PGAP4: variants seen among roughly 807,000 people sequenced by gnomAD.
PGAP4 encodes post-GPI attachment to proteins GalNAc transferase 4.
In PGAP4, 12 loss-of-function variants were observed where a neutral mutation model predicts 28.2. The observed-to-expected ratio is 0.42, with a 90% CI of 0.27 to 0.69. PGAP4 has a LOEUF of 0.69. PGAP4 is among the 30% of genes least tolerant of loss of function. The pLI is 0.22. For missense variants in PGAP4, 425 were observed against 513.5 expected (o/e 0.83, Z 1.67); for synonymous variants, 205 against 211.8 (o/e 0.97, Z 0.28).
intron 2 of PGAP4, among the ~76,000 whole-genome samples, chr9:101,516,036 CT>C (rs1419536864): frequency 6.6e-6 from 1 of 151,962 alleles, no homozygotes; most frequent in Non-Finnish European, 1.5e-5. Flanking sequence ...ATCACATTGT[CT>C]CTTATAAATA....
intron 1 of PGAP4, 51 bp from the exon 2 acceptor site, chr9:101,477,220 A>AAAC: frequency 7.5e-7 from 1 of 1,330,650 alleles, no homozygotes; most frequent in Non-Finnish European, 9.9e-7. Context: ...AAAAACAAAC[A>AAAC]AACAAACAAA....
chr9:101,474,264 T>C lies in PGAP4; in HGVS notation c.*1617A>G, dbSNP rs1826234731. On this transcript the variant is annotated 3_prime_UTR_variant, in exon 2 of 2. Coordinates refer to ENST00000374848, the MANE Select transcript of PGAP4 (RefSeq NM_032342.3). ...GTAGAGCGTGGGTGATCAACCTTTA[T>C]GTAATCCTTCTGTGTTGAGTGGGTC... 1.3e-5 allele frequency: 2 copies of C among 152,206 alleles called. No individual in the cohort carries two copies. The highest frequency in any genetic ancestry group is 4.8e-5 in the African/African-American group (2 of 41,440). 9.4% of individuals were successfully genotyped at this position (152,206 alleles called of 1,614,324 possible). A position where few individuals can be genotyped will look rare whatever the true frequency, so the allele number is the denominator to read the frequency against.
chr9:101,494,095 T>C (rs1267617620), intron 2 of PGAP4, among the ~76,000 whole-genome samples: 1 of 152,064 alleles, frequency 6.6e-6, no homozygotes, highest in East Asian at 1.9e-4. Context: ...ATTTTATTTA[T>C]AGTCTTAAGT....
chr9:101,493,701 C>T (rs1826711689), intron 2 of PGAP4, among the ~76,000 whole-genome samples: 2 of 152,076 alleles, frequency 1.3e-5, no homozygotes, highest in Non-Finnish European at 2.9e-5. Context: ...AAAACATTAG[C>T]TTTTCTTTTT....
At chr9:101,511,371 G>C (rs923346096) in intron 2 of PGAP4, among the ~76,000 whole-genome samples, 1 of 152,176 alleles carries the variant, frequency 6.6e-6, no homozygotes, top group Admixed American at 6.5e-5. Context: ...CCACAGACCG[G>C]TTAAGCAGGG....
intron 2 of PGAP4, among the ~76,000 whole-genome samples, chr9:101,516,157 A>AT (rs1415166665): frequency 6.6e-6 from 1 of 152,138 alleles, no homozygotes; most frequent in East Asian, 1.9e-4. Context: ...TTACCTCCTA[A>AT]TTAAATAAGT....
chr9:101,519,033 T>G (rs1467947332), intron 2 of PGAP4, among the ~76,000 whole-genome samples: 4 of 152,210 alleles, frequency 2.6e-5, no homozygotes, highest in Admixed American at 6.5e-5. Context: ...GGTATCACAT[T>G]GTGGTTTTGA....
Position 101,476,686 on chromosome 9 carries a change from C to T in PGAP4, c.407G>A (p.Cys136Tyr). Residue 136 changes from cysteine (C) to tyrosine (Y), a missense_variant, in exon 2 of 2, where the codon TGC becomes TAC. Physicochemically the swap from Cys to Tyr is radical, Grantham distance 194. Coordinates refer to ENST00000374848, the MANE Select transcript of PGAP4 (RefSeq NM_032342.3). The surrounding 1 kb of genome is among the most constrained non-coding windows in gnomAD (Gnocchi z 7.0). ...HRLLQQCGPQ[C>Y]EGHQLFLCNV... The stretch of plus-strand genomic sequence containing the variant: ...GCACAGGAAGAGTTGGTGCCCCTCG[C>T]ACTGGGGGCCACATTGCTGAAGAAG... 1 of 1,614,108 alleles carries T rather than the reference C, an allele frequency of 6.2e-7. No individual in the cohort carries two copies. Among genetic ancestry groups the T allele is most frequent in the East Asian group, 2.2e-5 (1 of 44,860 alleles).
intron 2 of PGAP4, among the ~76,000 whole-genome samples, chr9:101,530,645 A>T (rs141765004): frequency 6.6e-6 from 1 of 152,236 alleles, no homozygotes; most frequent in Non-Finnish European, 1.5e-5. Context: ...AATGCATTCA[A>T]TGAGAGAGAT....
At chr9:101,482,269 A>T (rs1826512129) in intron 1 of PGAP4, among the ~76,000 whole-genome samples, 1 of 152,234 alleles carries the variant, frequency 6.6e-6, no homozygotes, top group Non-Finnish European at 1.5e-5. Context: ...AACATGGTGA[A>T]ACGCCATCTC....
intron 2 of PGAP4, among the ~76,000 whole-genome samples, chr9:101,492,679 A>G (rs1588203637): frequency 6.6e-6 from 1 of 151,912 alleles, no homozygotes; most frequent in East Asian, 1.9e-4. Context: ...TGTAGCTGCT[A>G]CTATCTCTGT....
At chr9:101,500,154 C>T (rs1475946149) in intron 2 of PGAP4, among the ~76,000 whole-genome samples, 1 of 151,996 alleles carries the variant, frequency 6.6e-6, no homozygotes, top group Non-Finnish European at 1.5e-5. Context: ...TTACTAGTTT[C>T]CTACTTCAGC....
At position 101,523,619 on chromosome 9, in the gene PGAP4, C is replaced by CATTTTTTT. The variant is rs1245170432; in HGVS notation, c.-165+7728_-165+7729insAAAAAAAT. ...ACATTTCTCCCCTCACTTCTTGTAT[C>CATTTTTTT]TTTTTTTTTTTTTTTTTTTTTTTTT... On this transcript the variant is annotated intron_variant, in intron 2 of 3. Coordinates refer to the PGAP4 transcript ENST00000374851. Among the ~76,000 whole-genome samples, 116 of 59,324 alleles carry CATTTTTTT rather than the reference C, an allele frequency of 2.0e-3. 6 individuals carry two copies. Among genetic ancestry groups the CATTTTTTT allele is most frequent in the South Asian group, 2.6e-3 (4 of 1,522 alleles). The allele number at this position is 59,324 out of a possible 152,430, so 38.9% of individuals were successfully genotyped here.
At position 101,531,239 on chromosome 9, in the gene PGAP4, CAG is replaced by C. The variant is rs61325549; in HGVS notation, c.-165+107_-165+108del. 481 of 148,034 alleles carry C rather than the reference CAG, an allele frequency of 3.2e-3. 3 individuals carry two copies. Among genetic ancestry groups the C allele is most frequent in the Non-Finnish European group, 3.9e-3 (261 of 66,780 alleles). 9.2% of individuals were successfully genotyped at this position (148,034 alleles called of 1,614,324 possible). On this transcript the variant is annotated intron_variant, in intron 2 of 3. Coordinates refer to the PGAP4 transcript ENST00000374851. The stretch of plus-strand genomic sequence containing the variant: ...ACACACACACACACACACACACACA[CAG>C]AGTTGATTTTATTTTCTGGAGAGCT...
intron 2 of PGAP4, among the ~76,000 whole-genome samples, chr9:101,511,278 C>T (rs1826896285): frequency 6.6e-6 from 1 of 152,128 alleles, no homozygotes. Flanking sequence ...TGCTGTGTGG[C>T]CCAGTTCCTA....
chr9:101,475,278 A>C lies in PGAP4; in HGVS notation c.*603T>G, dbSNP rs112926478. ...TATCAATTATCAGTGCACTACAGAT[A>C]TATAGGAAAAGAAAATCCCAGGTAA... On this transcript the variant is annotated 3_prime_UTR_variant, in exon 2 of 2. Coordinates refer to ENST00000374848, the MANE Select transcript of PGAP4 (RefSeq NM_032342.3). The C allele has an allele frequency of 6.9e-4, 109 of 157,882 alleles. 1 individual carries two copies. Among genetic ancestry groups the C allele is most frequent in the African/African-American group, 6.3e-4 (26 of 41,596 alleles). The allele number at this position is 157,882 out of a possible 1,614,324, so 9.8% of individuals were successfully genotyped here.
chr9:101,491,811 G>GTATA (rs1588203354), upstream of PGAP4, among the ~76,000 whole-genome samples: 1 of 53,010 alleles, frequency 1.9e-5, no homozygotes, highest in Non-Finnish European at 3.6e-5. Flanking sequence ...AAATCTTAAA[G>GTATA]GATATATATA....
intron 1 of PGAP4, among the ~76,000 whole-genome samples, chr9:101,482,865 C>T (rs533998976): frequency 1.5e-4 from 23 of 152,272 alleles, no homozygotes; most frequent in African/African-American, 4.8e-4. Context: ...TTATAGCTAC[C>T]GCTTATTAAG....
intron 2 of PGAP4, among the ~76,000 whole-genome samples, chr9:101,499,670 T>G (rs896226984): frequency 6.6e-6 from 1 of 152,084 alleles, no homozygotes; most frequent in Non-Finnish European, 1.5e-5. Context: ...ATGGCCTTTG[T>G]GCAAAGTTGT....
Sources: allele counts gnomAD v4.1 joint callset (sites outside exome capture counted in the v4.1 genomes callset), GRCh38; gene constraint gnomAD v4.1.1; non-coding constraint Gnocchi (gnomAD v3.1); transcripts MANE v1.5; gene names NCBI Gene and HGNC (gene_info 2026-07-23, HGNC 2026-07-21).